MGST3: variants seen among roughly 807,000 people sequenced by gnomAD.
MGST3 encodes the protein glutathione S-transferase 3, mitochondrial.
MGST3 carries 13 observed loss-of-function variants against 15.8 expected under a neutral mutation model. The observed-to-expected ratio is 0.82, with a 90% CI of 0.54 to 1.31. The LOEUF is 1.31. Among genes scored for constraint, MGST3 ranks in the 50% most tolerant of loss-of-function variants. The pLI, the probability that MGST3 is intolerant of heterozygous loss-of-function variation, is 0.00. For missense variants in MGST3, 155 were observed against 192.4 expected (o/e 0.81, Z 1.15); for synonymous variants, 49 against 68.1 (o/e 0.72, Z 1.38).
At chr1:165,647,500 C>T (rs1046935367) in intron 1 of MGST3, 2 of 152,090 alleles carry the variant, frequency 1.3e-5, no homozygotes, top group African/African-American at 4.8e-5. Context: ...TTTACTGAGC[C>T]TCTATTTCCT....
chr1:165,651,553 G>A, intron 3 of MGST3: 1 of 302,440 alleles, frequency 3.3e-6, no homozygotes, highest in Non-Finnish European at 6.3e-6. Context: ...TCTTCTCCCT[G>A]CGGTGAATGT....
chr1:165,632,310 A>T (rs1320371024), intron 1 of MGST3: 1 of 1,609,918 alleles, frequency 6.2e-7, no homozygotes, highest in Non-Finnish European at 8.5e-7. Flanking sequence ...GTCCTGCGGA[A>T]TTGCTGCAGA....
chr1:165,650,068 G>T, intron 2 of MGST3, 104 bp downstream of exon 2: 2 of 1,547,084 alleles, frequency 1.3e-6, no homozygotes, highest in Non-Finnish European at 1.8e-6. Context: ...GGAGCTAGTT[G>T]TGAGAAGTGG....
chr1:165,655,303 C>T (rs1648677740), intron 5 of MGST3, 65 bp from the exon 6 acceptor site: 19 of 1,583,756 alleles, frequency 1.2e-5, no homozygotes, highest in Middle Eastern at 1.8e-4. Context: ...GAATGGCTTG[C>T]GAATGTTGAA....
chr1:165,640,915 C>A (rs1434683130), intron 1 of MGST3, among the ~76,000 whole-genome samples: 3 of 152,120 alleles, frequency 2.0e-5, no homozygotes, highest in Admixed American at 6.5e-5. Context: ...CCATTCTTGG[C>A]CAGGTGCCTG....
At chr1:165,635,740 A>G (rs1648093852) in intron 1 of MGST3, 2 of 152,236 alleles carry the variant, frequency 1.3e-5, no homozygotes, top group Non-Finnish European at 2.9e-5. Flanking sequence ...CAGATCTTCC[A>G]TCCTCCTAAC....
At chr1:165,638,528 A>G (rs965832848) in intron 1 of MGST3, among the ~76,000 whole-genome samples, 1 of 151,330 alleles carries the variant, frequency 6.6e-6, no homozygotes, top group Non-Finnish European at 1.5e-5. Context: ...TCACACCTGT[A>G]ATCCCAGCAC....
intron 2 of MGST3, 177 bp downstream of exon 2, chr1:165,650,141 G>A: frequency 1.2e-6 from 1 of 808,466 alleles, no homozygotes; most frequent in Non-Finnish European, 2.0e-6. Flanking sequence ...AGAAATACAG[G>A]GCCCTGCTAG....
Position 165,654,364 on chromosome 1 carries a change from TG to T in MGST3, c.322+14del. The stretch of plus-strand genomic sequence containing the variant: ...TATTACACGGGAGGTTAGTATATAT[TG>T]ACATTTGCCAAGGAAACAACTTTAA... On this transcript the variant is annotated intron_variant, in intron 5 of 5. Coordinates refer to ENST00000367889, the MANE Select transcript of MGST3 (RefSeq NM_004528.4). The T allele has an allele frequency of 6.2e-7, 1 of 1,612,196 alleles. No homozygotes were observed. Among genetic ancestry groups the T allele is most frequent in the South Asian group, 1.1e-5 (1 of 91,046 alleles).
chr1:165,632,404 C>T (rs554668864), intron 1 of MGST3: 8 of 860,230 alleles, frequency 9.3e-6, no homozygotes, highest in Non-Finnish European at 1.5e-5. Flanking sequence ...CTGGGAGGCA[C>T]CCCAGGTTAT....
chr1:165,652,075 T>C (rs779049612), intron 4 of MGST3, 40 bp downstream of exon 4: 13 of 1,368,632 alleles, frequency 9.5e-6, no homozygotes, highest in Admixed American at 3.4e-5. Context: ...TGGATAGTAG[T>C]TCACTGAGCT....
chr1:165,638,296 T>C (rs908676456), intron 1 of MGST3, among the ~76,000 whole-genome samples: 2 of 152,030 alleles, frequency 1.3e-5, no homozygotes, highest in African/African-American at 2.4e-5. Flanking sequence ...CTGGCCAACA[T>C]AGCGAAACCC....
chr1:165,642,437 G>C (rs1648286336), intron 1 of MGST3, among the ~76,000 whole-genome samples: 2 of 152,172 alleles, frequency 1.3e-5, no homozygotes, highest in South Asian at 4.1e-4. Context: ...TAACATGGCT[G>C]GCTGCTGAGA....
chr1:165,656,084 G>A lies in MGST3; in HGVS notation c.*580G>A. On this transcript the variant is annotated 3_prime_UTR_variant, in exon 6 of 6. Transcript: ENST00000367889. Reference sequence around the variant, plus strand: ...GATCACACTGCTGCACTCCAGCGTGGGTGACAGAGCAAGACCCTGTCTCAA... The same window carrying A: ...GATCACACTGCTGCACTCCAGCGTGAGTGACAGAGCAAGACCCTGTCTCAA... 1 of 155,876 alleles carries A rather than the reference G, an allele frequency of 6.4e-6. No individual in the cohort carries two copies. The highest frequency in any genetic ancestry group is 1.9e-4 in the East Asian group (1 of 5,260). 9.7% of individuals were successfully genotyped at this position (155,876 alleles called of 1,614,324 possible). A position where few individuals can be genotyped will look rare whatever the true frequency, so the allele number is the denominator to read the frequency against.
chr1:165,641,743 C>T (rs1648271730), intron 1 of MGST3, among the ~76,000 whole-genome samples: 1 of 152,248 alleles, frequency 6.6e-6, no homozygotes, highest in African/African-American at 2.4e-5. Context: ...TGTATGAATA[C>T]AGGTCTGTCT....
At chr1:165,633,475 A>T (rs1248974376) in intron 1 of MGST3, among the ~76,000 whole-genome samples, 2 of 151,972 alleles carry the variant, frequency 1.3e-5, no homozygotes, top group African/African-American at 2.4e-5. Flanking sequence ...GCAAAAATTA[A>T]TTTTTTTATT....
chr1:165,648,337 A>C (rs539361458), intron 1 of MGST3: 13 of 152,414 alleles, frequency 8.5e-5, no homozygotes, highest in African/African-American at 3.1e-4. Context: ...ATTGTGAATC[A>C]TGGTGGGGAG....
At chr1:165,632,224 T>G in intron 1 of MGST3, 1 of 1,612,218 alleles carries the variant, frequency 6.2e-7, no homozygotes, top group South Asian at 1.1e-5. Context: ...TTTAATTCCT[T>G]CCCTGGGGAC....
chr1:165,639,338 C>T (rs1648204007), intron 1 of MGST3, among the ~76,000 whole-genome samples: 1 of 152,214 alleles, frequency 6.6e-6, no homozygotes, highest in Non-Finnish European at 1.5e-5. Flanking sequence ...TGTATTCAGA[C>T]ACCAGCTGTG....
Sources: allele counts gnomAD v4.1 joint callset (sites outside exome capture counted in the v4.1 genomes callset), GRCh38; gene constraint gnomAD v4.1.1; transcripts MANE v1.5; gene names NCBI Gene and HGNC (gene_info 2026-07-23, HGNC 2026-07-21).